VRK1: variants seen among roughly 807,000 people sequenced by gnomAD.
The protein encoded by VRK1 is VRK serine/threonine kinase 1.
VRK1 carries 33 observed loss-of-function variants against 57.1 expected under a neutral mutation model. The observed-to-expected ratio is 0.58, with a 90% CI of 0.44 to 0.77. VRK1 has a LOEUF of 0.77. Among genes scored for constraint, VRK1 ranks in the 30% least tolerant of loss-of-function variants. VRK1 has a pLI of 0.00. For missense variants in VRK1, 413 were observed against 477.3 expected, an observed-to-expected ratio of 0.87 and a Z score of 1.25; for synonymous variants, 137 against 147.8, an observed-to-expected ratio of 0.93 and a Z score of 0.53.
intron 12 of VRK1, chr14:96,877,555 A>G: frequency 7.8e-7 from 1 of 1,289,406 alleles, no homozygotes; most frequent in South Asian, 1.2e-5. Flanking sequence ...GCCAGAGGCT[A>G]GCAGCAGCAG....
At chr14:96,869,911 G>A (rs1888747869) in intron 11 of VRK1, among the ~76,000 whole-genome samples, 1 of 152,058 alleles carries the variant, frequency 6.6e-6, no homozygotes, top group East Asian at 1.9e-4. Context: ...TTCATGTGTT[G>A]CCTTGAGATT....
At chr14:96,839,958 C>T (rs1426340825) in intron 3 of VRK1, among the ~76,000 whole-genome samples, 1 of 152,142 alleles carries the variant, frequency 6.6e-6, no homozygotes, top group African/African-American at 2.4e-5. Flanking sequence ...CCCACTTAGT[C>T]ATGGTGTATT....
At chr14:96,811,548 C>A (rs1171796083) in intron 1 of VRK1, among the ~76,000 whole-genome samples, 1 of 152,136 alleles carries the variant, frequency 6.6e-6, no homozygotes, top group Non-Finnish European at 1.5e-5. Flanking sequence ...TTCCAAATTA[C>A]TGTATAATAT....
intron 1 of VRK1, among the ~76,000 whole-genome samples, chr14:96,823,478 A>G (rs1886681476): frequency 6.6e-6 from 1 of 152,246 alleles, no homozygotes; most frequent in African/African-American, 2.4e-5. Flanking sequence ...TGAAAAAAAT[A>G]CCAATTGTAA....
chr14:96,847,332 A>G lies in VRK1; in HGVS notation c.362A>G (p.Lys121Arg), dbSNP rs1064796973. ...TATTGGGGGTCTGGTCTACATGACA[A>G]AAATGGAAAAAGGTAAAAATATGTG... ...PKYWGSGLHDKNGKSYRFMIM... is the reference protein window; with the variant it reads ...PKYWGSGLHDRNGKSYRFMIM... The change falls in exon 5 of 13, where the codon AAA (lysine) becomes AGA (arginine). Residue 121 changes from lysine (K) to arginine (R), a missense_variant. Lys to Arg is a conservative substitution (Grantham distance 26). This residue lies in a region of VRK1 where 151 missense variants were observed against 225.5 expected (regional missense o/e 0.67). Coordinates refer to ENST00000216639, the MANE Select transcript of VRK1 (RefSeq NM_003384.3). 1.3e-5 allele frequency: 21 copies of G among 1,613,360 alleles called. 1 individual carries two copies. In the Admixed American group the frequency reaches 1.3e-4, roughly 10 times the overall value.
intron 4 of VRK1, among the ~76,000 whole-genome samples, chr14:96,846,549 G>A (rs1887701686): frequency 6.6e-6 from 1 of 151,908 alleles, no homozygotes; most frequent in Non-Finnish European, 1.5e-5. Flanking sequence ...CTTTTATATT[G>A]AGGAAGAAAA....
chr14:96,867,761 G>T (rs1739825604), intron 11 of VRK1, among the ~76,000 whole-genome samples: 1 of 151,996 alleles, frequency 6.6e-6, no homozygotes, highest in South Asian at 2.1e-4. Context: ...AGATCTGTGG[G>T]CTTCTTCTTG....
intron 1 of VRK1, among the ~76,000 whole-genome samples, chr14:96,830,048 C>CT: frequency 7.5e-6 from 1 of 133,446 alleles, no homozygotes; most frequent in African/African-American, 2.5e-5. Context: ...AAATATGTTA[C>CT]TTTTTTTCCC....
At position 96,853,147 on chromosome 14, in the gene VRK1, A is replaced by G; in HGVS notation, c.557A>G (p.Asn186Ser). 1 of 1,613,664 alleles carries G rather than the reference A, an allele frequency of 6.2e-7. No homozygotes were observed. The highest frequency in any genetic ancestry group is 1.1e-5 in the South Asian group (1 of 91,070). ...ATCAAGGCCTCAAATCTTCTTCTGA[A>G]CTACAAGAATCCTGACCAGGTAGTT... ...GDIKASNLLL[N>S]YKNPDQVYLV... Residue 186 changes from asparagine (N) to serine (S), a missense_variant, in exon 7 of 13, where the codon AAC becomes AGC. By Grantham distance (46) the Asn-to-Ser change is conservative. Coordinates refer to ENST00000216639, the MANE Select transcript of VRK1 (RefSeq NM_003384.3).
intron 2 of VRK1, among the ~76,000 whole-genome samples, chr14:96,836,645 C>T (rs1030172808): frequency 6.6e-6 from 1 of 151,680 alleles, no homozygotes; most frequent in Admixed American, 6.6e-5. Context: ...ACCTCAGCCT[C>T]CCGAAGTAGC....
chr14:96,817,070 A>G (rs939616689), intron 1 of VRK1, among the ~76,000 whole-genome samples: 11 of 152,236 alleles, frequency 7.2e-5, no homozygotes, highest in African/African-American at 2.7e-4. Context: ...AGGGGTTAGT[A>G]GAAACAAACA....
intron 7 of VRK1, among the ~76,000 whole-genome samples, chr14:96,854,077 ATATAAG>A (rs1364038720): frequency 5.3e-5 from 8 of 152,106 alleles, no homozygotes; most frequent in African/African-American, 1.9e-4. Flanking sequence ...AAGGGAATCT[ATATAAG>A]TATAAAAGAA....
chr14:96,819,797 G>A (rs1886528709), intron 1 of VRK1, among the ~76,000 whole-genome samples: 1 of 152,276 alleles, frequency 6.6e-6, no homozygotes, highest in East Asian at 1.9e-4. Context: ...GAGAGGTCAG[G>A]TGAATATGGC....
At position 96,881,276 on chromosome 14, in the gene VRK1, A is replaced by T. The variant is rs543796597; in HGVS notation, c.*68A>T. ...TGACTTTTTTCTCCTTTTCTATTTG[A>T]ACTGTTTTATTTTCCTGTGAGTCTT... On this transcript the variant is annotated 3_prime_UTR_variant, in exon 13 of 13. Coordinates refer to ENST00000216639, the MANE Select transcript of VRK1 (RefSeq NM_003384.3). The T allele has an allele frequency of 2.7e-5, 39 of 1,431,514 alleles. No individual in the cohort carries two copies. The African/African-American group carries it at 4.5e-4, about 17-fold the overall frequency. The allele number at this position is 1,431,514 out of a possible 1,614,324, so 88.7% of individuals were successfully genotyped here.
Position 96,800,204 on chromosome 14 carries a change from A to G in VRK1, c.-6+2757A>G, listed in dbSNP as rs188438482. Among the ~76,000 whole-genome samples the G allele has an allele frequency of 1.9e-3, 292 of 152,306 alleles. 1 individual carries two copies. Among genetic ancestry groups the G allele is most frequent in the African/African-American group, 6.8e-3 (282 of 41,556 alleles). ...TGTGAATATATTTCTACTTGCCATTATAAAGATGCAGAGGGCTCTGTCCTT... is the reference window on the plus strand; with the variant it reads ...TGTGAATATATTTCTACTTGCCATTGTAAAGATGCAGAGGGCTCTGTCCTT... On this transcript the variant is annotated intron_variant, in intron 1 of 12. Coordinates refer to ENST00000216639, the MANE Select transcript of VRK1 (RefSeq NM_003384.3).
intron 5 of VRK1, among the ~76,000 whole-genome samples, chr14:96,851,320 T>C (rs1296274036): frequency 3.3e-5 from 5 of 152,084 alleles, no homozygotes; most frequent in African/African-American, 7.2e-5. Context: ...TTTGTGTTTT[T>C]AGTAGAGACG....
chr14:96,853,874 G>T (rs945156298), intron 7 of VRK1, among the ~76,000 whole-genome samples: 2 of 152,026 alleles, frequency 1.3e-5, no homozygotes, highest in African/African-American at 4.8e-5. Flanking sequence ...TAAAAAGGAA[G>T]ATTTAAACAT....
chr14:96,850,794 G>A (rs776034824), intron 5 of VRK1, among the ~76,000 whole-genome samples: 12 of 152,158 alleles, frequency 7.9e-5, no homozygotes, highest in Admixed American at 3.3e-4. Flanking sequence ...GAATATTTGC[G>A]TTAATACCTA....
Position 96,833,724 on chromosome 14 carries a change from C to T in VRK1, c.160+93C>T, listed in dbSNP as rs997847262. On this transcript the variant is annotated intron_variant, in intron 2 of 12. Coordinates refer to ENST00000216639, the MANE Select transcript of VRK1 (RefSeq NM_003384.3). ...CATTTATGAGCTGTTATGGGATGTT[C>T]CTAATAATCTGCAGTCAACTTAATA... 2.4e-5 allele frequency: 37 copies of T among 1,564,862 alleles called. No homozygotes were observed. The African/African-American group carries it at 4.9e-4, about 21-fold the overall frequency.
Sources: allele counts gnomAD v4.1 joint callset (sites outside exome capture counted in the v4.1 genomes callset), GRCh38; gene constraint gnomAD v4.1.1; regional missense constraint gnomAD v4.1.1; transcripts MANE v1.5; gene names NCBI Gene and HGNC (gene_info 2026-07-23, HGNC 2026-07-21).